EDIL3: variants seen among roughly 807,000 people sequenced by gnomAD.
EDIL3 encodes EGF like and discoidin domains 3.
In EDIL3, 37 loss-of-function variants were observed where a neutral mutation model predicts 67.4. The ratio of observed to expected loss-of-function variants is 0.55; its 90% CI spans 0.42 to 0.72. EDIL3 has a LOEUF of 0.72. Ranked by LOEUF, EDIL3 falls within the 30% of genes least tolerant of loss-of-function variation. The pLI is 0.00. For missense variants in EDIL3, 527 were observed against 586.3 expected (o/e 0.90, Z 1.04); for synonymous variants, 195 against 196.3 (o/e 0.99, Z 0.05).
At chr5:84,369,853 A>G (rs1046311590) in intron 1 of EDIL3, among the ~76,000 whole-genome samples, 1 of 152,152 alleles carries the variant, frequency 6.6e-6, no homozygotes, top group Non-Finnish European at 1.5e-5. Flanking sequence ...AAAGATACTT[A>G]TTTAGCTAAA....
chr5:84,347,503 T>TATACTTCTTA (rs1459956677), intron 1 of EDIL3, among the ~76,000 whole-genome samples: 4 of 152,204 alleles, frequency 2.6e-5, no homozygotes, highest in African/African-American at 9.6e-5. Context: ...CTTCTTAACA[T>TATACTTCTTA]AAATATACGT....
At chr5:84,051,726 G>T (rs935661063) in intron 9 of EDIL3, among the ~76,000 whole-genome samples, 1 of 152,162 alleles carries the variant, frequency 6.6e-6, no homozygotes, top group Non-Finnish European at 1.5e-5. Context: ...AAGATCAAAT[G>T]AATGAAATGA....
intron 3 of EDIL3, among the ~76,000 whole-genome samples, chr5:84,208,476 G>A (rs1395506291): frequency 6.0e-5 from 9 of 151,252 alleles, no homozygotes; most frequent in East Asian, 3.9e-4. Context: ...TCAGGAGATC[G>A]AGACCATCCT....
At chr5:84,094,279 C>G (rs541679002) in intron 6 of EDIL3, among the ~76,000 whole-genome samples, 1 of 152,006 alleles carries the variant, frequency 6.6e-6, no homozygotes, top group Non-Finnish European at 1.5e-5. Context: ...TAATTTTCCA[C>G]CTGGGATCAT....
At chr5:84,021,330 T>A (rs1745710079) in intron 9 of EDIL3, among the ~76,000 whole-genome samples, 1 of 151,974 alleles carries the variant, frequency 6.6e-6, no homozygotes, top group African/African-American at 2.4e-5. Flanking sequence ...TTTAAAACCT[T>A]TCTACTTTTT....
chr5:84,112,217 C>A (rs562075980), intron 5 of EDIL3, among the ~76,000 whole-genome samples: 15 of 152,108 alleles, frequency 9.9e-5, no homozygotes, highest in Non-Finnish European at 1.8e-4. Context: ...TCCCACTGTG[C>A]CATAAAGAGT....
chr5:84,243,177 C>T (rs1053223014), intron 2 of EDIL3, among the ~76,000 whole-genome samples: 1 of 152,000 alleles, frequency 6.6e-6, no homozygotes, highest in African/African-American at 2.4e-5. Flanking sequence ...TTACAGTGAC[C>T]GATAAACTGC....
At chr5:84,312,259 G>T (rs1251286179) in intron 1 of EDIL3, among the ~76,000 whole-genome samples, 1 of 134,824 alleles carries the variant, frequency 7.4e-6, no homozygotes, top group Admixed American at 7.0e-5. Context: ...CCTCCCTCCC[G>T]GACGGGGCAG....
In EDIL3 at chr5:84,060,456, T is replaced by C; in HGVS notation, c.981A>G (p.Ser327=). ...SGCSEPLGMK[S]GHIQDYQITA... ...TGATCTGATAGTCTTGTATATGTCC[T>C]GATTTCATACCCAGAGGCTCAGAAC... The change falls in exon 9 of 11, where the codon TCA becomes TCG. Residue 327 remains serine (S), a synonymous_variant. Coordinates refer to ENST00000296591, the MANE Select transcript of EDIL3 (RefSeq NM_005711.5). 6.2e-7 allele frequency: 1 copy of C among 1,613,690 alleles called. No homozygotes were observed. Among genetic ancestry groups the C allele is most frequent in the Non-Finnish European group, 8.5e-7 (1 of 1,179,782 alleles).
intron 1 of EDIL3, among the ~76,000 whole-genome samples, chr5:84,355,104 T>C (rs1289478817): frequency 6.6e-6 from 1 of 152,206 alleles, no homozygotes; most frequent in African/African-American, 2.4e-5. Flanking sequence ...ATTCTCCCTG[T>C]CACTTTCAGG....
chr5:84,119,212 G>GTTTTTT lies in EDIL3; in HGVS notation c.470-12388_470-12383dup, dbSNP rs66522256. Among the ~76,000 whole-genome samples the GTTTTTT allele has an allele frequency of 3.4e-4, 28 of 82,326 alleles. 2 individuals carry two copies. Among genetic ancestry groups the GTTTTTT allele is most frequent in the East Asian group, 7.8e-4 (2 of 2,566 alleles). The allele number at this position is 82,326 out of a possible 152,430, so 54.0% of individuals were successfully genotyped here. Reference sequence around the variant, plus strand: ...TTCAGCCATGTTTTACATGCATTTGGTTTTTTTTTTTTTTTTTTTTTTTTC... The same window carrying GTTTTTT: ...TTCAGCCATGTTTTACATGCATTTGGTTTTTTTTTTTTTTTTTTTTTTTTTTTTTTC... On this transcript the variant is annotated intron_variant, in intron 5 of 10. Transcript: ENST00000296591.
At chr5:84,328,161 T>C (rs181861020) in intron 1 of EDIL3, among the ~76,000 whole-genome samples, 4 of 152,130 alleles carry the variant, frequency 2.6e-5, no homozygotes, top group Non-Finnish European at 4.4e-5. Flanking sequence ...TTCTGAAACA[T>C]AAATAAACAT....
chr5:84,044,713 C>A (rs1438177803), intron 9 of EDIL3, among the ~76,000 whole-genome samples: 27 of 152,052 alleles, frequency 1.8e-4, no homozygotes. Flanking sequence ...AAGAGCTCTG[C>A]GGGCGGTAGA....
chr5:84,177,215 A>G (rs1024713710), intron 4 of EDIL3, among the ~76,000 whole-genome samples: 1 of 152,196 alleles, frequency 6.6e-6, no homozygotes, highest in East Asian at 1.9e-4. Context: ...AAATTTATAA[A>G]CAAACTATGG....
At chr5:84,169,601 G>A (rs1748776238) in intron 4 of EDIL3, among the ~76,000 whole-genome samples, 1 of 148,554 alleles carries the variant, frequency 6.7e-6, no homozygotes, top group South Asian at 2.2e-4. Flanking sequence ...CTAAAACTTT[G>A]TCATTTCAAA....
rs535640525 is a variant in EDIL3, at chr5:84,286,198, T to A, written c.68-31986A>T. 2.6e-5 allele frequency among the ~76,000 whole-genome samples: 4 copies of A among 152,288 alleles called. No individual in the cohort carries two copies. The East Asian group carries it at 7.7e-4, about 29-fold the overall frequency. On this transcript the variant is annotated intron_variant, in intron 1 of 10. Coordinates refer to ENST00000296591, the MANE Select transcript of EDIL3 (RefSeq NM_005711.5). ...CAGTAGATTGCAGTTAAGGATTTTTTAAATGTTTTAATTTTGTGATAGCAT... is the reference window on the plus strand; with the variant it reads ...CAGTAGATTGCAGTTAAGGATTTTTAAAATGTTTTAATTTTGTGATAGCAT...
chr5:84,111,939 T>G (rs1747571692), intron 5 of EDIL3, among the ~76,000 whole-genome samples: 1 of 151,946 alleles, frequency 6.6e-6, no homozygotes, highest in South Asian at 2.1e-4. Context: ...TGGGAATGAT[T>G]CCCGGAAAAG....
In EDIL3 at chr5:84,040,305, T is replaced by C. The variant is rs577558544; in HGVS notation, c.1137+19995A>G. Among the ~76,000 whole-genome samples the C allele has an allele frequency of 9.9e-5, 15 of 152,240 alleles. No individual in the cohort carries two copies. In the South Asian group the frequency reaches 2.7e-3, roughly 27 times the overall value. Reference sequence around the variant, plus strand: ...TCATGCACTTACTTTACCCAAGGCCTCTTTAACAGACAGCAACAGTAAACT... The same window carrying C: ...TCATGCACTTACTTTACCCAAGGCCCCTTTAACAGACAGCAACAGTAAACT... On this transcript the variant is annotated intron_variant, in intron 9 of 10. Transcript: ENST00000296591.
intron 4 of EDIL3, among the ~76,000 whole-genome samples, chr5:84,140,506 T>C (rs1251039303): frequency 1.3e-5 from 2 of 152,100 alleles, no homozygotes; most frequent in Non-Finnish European, 2.9e-5. Flanking sequence ...TATAGGCTCA[T>C]CAGGCCCCAT....
Sources: allele counts gnomAD v4.1 joint callset (sites outside exome capture counted in the v4.1 genomes callset), GRCh38; gene constraint gnomAD v4.1.1; transcripts MANE v1.5; gene names NCBI Gene and HGNC (gene_info 2026-07-23, HGNC 2026-07-21).